The following LYPD6B variants were observed in gnomAD, a reference collection of about 807,000 sequenced individuals.
LYPD6B encodes LY6/PLAUR domain containing 6B.
In LYPD6B, 17 loss-of-function variants were observed where a neutral mutation model predicts 22.8. The ratio of observed to expected loss-of-function variants is 0.75; its 90% CI spans 0.51 to 1.12. LYPD6B has a LOEUF of 1.12. LYPD6B is among the 50% of genes most tolerant of loss of function. LYPD6B has a pLI of 0.00. For missense variants in LYPD6B, 221 were observed against 258.3 expected, an observed-to-expected ratio of 0.86 and a Z score of 0.99; for synonymous variants, 106 against 91.6, an observed-to-expected ratio of 1.16 and a Z score of -0.90.
At chr2:149,059,088 A>C (rs1283525988) in intron 1 of LYPD6B, among the ~76,000 whole-genome samples, 2 of 152,176 alleles carry the variant, frequency 1.3e-5, no homozygotes, top group African/African-American at 4.8e-5. Flanking sequence ...TGTCTCTTTG[A>C]GGGAAGCCTG....
At chr2:149,166,374 G>C (rs550283445) in intron 3 of LYPD6B, among the ~76,000 whole-genome samples, 2 of 152,260 alleles carry the variant, frequency 1.3e-5, no homozygotes, top group East Asian at 3.9e-4. Context: ...GTGGCTCATA[G>C]TACCAATATG....
At chr2:149,135,615 G>A (rs1688314729) in intron 2 of LYPD6B, among the ~76,000 whole-genome samples, 1 of 150,764 alleles carries the variant, frequency 6.6e-6, no homozygotes, top group African/African-American at 2.4e-5. Context: ...AGCTACTCAG[G>A]AGGCTGAGGC....
chr2:149,086,134 G>T (rs1425956328), intron 1 of LYPD6B, among the ~76,000 whole-genome samples: 1 of 152,126 alleles, frequency 6.6e-6, no homozygotes, highest in East Asian at 1.9e-4. Flanking sequence ...AAAATCAAAG[G>T]TTTCTAGAAT....
chr2:149,067,842 C>A (rs1684412440), intron 1 of LYPD6B, among the ~76,000 whole-genome samples: 1 of 152,146 alleles, frequency 6.6e-6, no homozygotes, highest in Non-Finnish European at 1.5e-5. Flanking sequence ...TCACTGGTAG[C>A]ATGTATTCTG....
intron 2 of LYPD6B, among the ~76,000 whole-genome samples, chr2:149,142,415 C>G (rs1403449376): frequency 6.6e-6 from 1 of 152,026 alleles, no homozygotes; most frequent in African/African-American, 2.4e-5. Flanking sequence ...ACCAGGGGCT[C>G]AGTTAATATT....
intron 1 of LYPD6B, among the ~76,000 whole-genome samples, chr2:149,062,860 CT>C (rs5835285): frequency 0.1 from 9,690 of 93,520 alleles, 682 homozygotes; most frequent in African/African-American, 0.3. Flanking sequence ...GATACATGTT[CT>C]TTTTTTTTTT....
intron 2 of LYPD6B, among the ~76,000 whole-genome samples, chr2:149,134,452 G>A (rs527787573): frequency 5.3e-5 from 8 of 152,228 alleles, no homozygotes; most frequent in South Asian, 4.1e-4. Context: ...ACTCTTTATC[G>A]CTTCTAAGGT....
At chr2:149,076,267 A>G (rs1684875345) in intron 1 of LYPD6B, among the ~76,000 whole-genome samples, 1 of 152,198 alleles carries the variant, frequency 6.6e-6, no homozygotes. Context: ...GACAGACTAG[A>G]TTAACTTTGC....
At chr2:149,153,851 G>A (rs547166180) in intron 2 of LYPD6B, among the ~76,000 whole-genome samples, 1 of 152,214 alleles carries the variant, frequency 6.6e-6, no homozygotes, top group South Asian at 2.1e-4. Flanking sequence ...TGATCGTGAC[G>A]GCAGGCATGG....
At chr2:149,145,278 C>G (rs1205082708) in intron 2 of LYPD6B, among the ~76,000 whole-genome samples, 1 of 152,206 alleles carries the variant, frequency 6.6e-6, no homozygotes, top group East Asian at 1.9e-4. Context: ...AAACCCTTCT[C>G]AAACTACTGG....
At chr2:149,214,270 T>C (rs972134335) in intron 6 of LYPD6B, among the ~76,000 whole-genome samples, 5 of 152,182 alleles carry the variant, frequency 3.3e-5, no homozygotes, top group Admixed American at 6.5e-5. Flanking sequence ...AGCACTCTTA[T>C]GCAGTTTCTC....
In LYPD6B at chr2:149,057,556, G is replaced by A. The variant is rs4603729; in HGVS notation, c.-67+18755G>A. On this transcript the variant is annotated intron_variant, in intron 1 of 6. Transcript: ENST00000409642. ...ACTACTCTATTTTTGCCTTGTAAGCGGTTTGTAAAGTCCCCTCCAGTCCCT... is the reference window on the plus strand; with the variant it reads ...ACTACTCTATTTTTGCCTTGTAAGCAGTTTGTAAAGTCCCCTCCAGTCCCT... Among the ~76,000 whole-genome samples, 475 of 152,046 alleles carry A rather than the reference G, an allele frequency of 3.1e-3. 3 individuals carry two copies. Among genetic ancestry groups the A allele is most frequent in the African/African-American group, 0.011 (450 of 41,502 alleles).
chr2:149,200,640 C>T (rs948186141), intron 3 of LYPD6B: 1 of 152,144 alleles, frequency 6.6e-6, no homozygotes, highest in Non-Finnish European at 1.5e-5. Context: ...AAATGCCACA[C>T]GTTGGATGAG....
chr2:149,059,013 G>A (rs1249755188), intron 1 of LYPD6B, among the ~76,000 whole-genome samples: 1 of 152,206 alleles, frequency 6.6e-6, no homozygotes, highest in African/African-American at 2.4e-5. Flanking sequence ...GATTTTGAGG[G>A]CAGCCACGGT....
At chr2:149,109,875 C>T (rs1208363716) in intron 1 of LYPD6B, among the ~76,000 whole-genome samples, 1 of 123,800 alleles carries the variant, frequency 8.1e-6, no homozygotes, top group African/African-American at 3.5e-5. Flanking sequence ...CCATGCCCAG[C>T]TAATTTTTGT....
At chr2:149,199,994 A>G (rs1037893569) in intron 3 of LYPD6B, among the ~76,000 whole-genome samples, 4 of 152,216 alleles carry the variant, frequency 2.6e-5, no homozygotes, top group African/African-American at 7.2e-5. Flanking sequence ...TTTTCTGGCC[A>G]ATTTCCCTTT....
intron 1 of LYPD6B, among the ~76,000 whole-genome samples, chr2:149,041,886 C>G (rs972298107): frequency 2.0e-5 from 3 of 152,204 alleles, no homozygotes; most frequent in African/African-American, 7.2e-5. Flanking sequence ...GTTTTCCATA[C>G]TCCCAATAGT....
chr2:149,202,630 C>G (rs1693239487), intron 3 of LYPD6B, among the ~76,000 whole-genome samples: 2 of 152,138 alleles, frequency 1.3e-5, no homozygotes, highest in Non-Finnish European at 2.9e-5. Flanking sequence ...TGTTTTCTCC[C>G]TCTAAAATGC....
At chr2:149,135,451 G>A (rs1464964877) in intron 2 of LYPD6B, among the ~76,000 whole-genome samples, 1 of 151,890 alleles carries the variant, frequency 6.6e-6, no homozygotes, top group Admixed American at 6.6e-5. Flanking sequence ...CAGGCACGGT[G>A]ACTCACGCTT....
Sources: allele counts gnomAD v4.1 joint callset (sites outside exome capture counted in the v4.1 genomes callset), GRCh38; gene constraint gnomAD v4.1.1; transcripts MANE v1.5; gene names NCBI Gene and HGNC (gene_info 2026-07-23, HGNC 2026-07-21).